OTUD7A: variants seen among roughly 807,000 people sequenced by gnomAD.
OTUD7A encodes OTU domain-containing protein 7A.
In OTUD7A, 12 loss-of-function variants were observed where a neutral mutation model predicts 65.7. The observed-to-expected ratio is 0.18, with a 90% CI of 0.12 to 0.30. The LOEUF is 0.30. Ranked by LOEUF, OTUD7A falls within the 10% of genes least tolerant of loss-of-function variation. OTUD7A has a pLI of 1.00. For missense variants in OTUD7A, 1,148 were observed against 1,304.8 expected, an observed-to-expected ratio of 0.88 and a Z score of 1.85; for synonymous variants, 641 against 586.3, an observed-to-expected ratio of 1.09 and a Z score of -1.35.
intron 1 of OTUD7A, among the ~76,000 whole-genome samples, chr15:31,786,838 C>CA (rs1319980547): frequency 3.9e-5 from 6 of 152,108 alleles, no homozygotes; most frequent in Non-Finnish European, 8.8e-5. Context: ...CAGGACCCCG[C>CA]AGTGATATCA....
At chr15:31,567,825 G>A (rs1035130529) in intron 4 of OTUD7A, among the ~76,000 whole-genome samples, 1 of 152,256 alleles carries the variant, frequency 6.6e-6, no homozygotes, top group Non-Finnish European at 1.5e-5. Flanking sequence ...CCCAGATACA[G>A]TTCAGGCTGC....
In OTUD7A at chr15:31,484,026, GGCA is replaced by G. The variant is rs1391662107; in HGVS notation, c.2067_2069del (p.Ala696del). 48 of 990,262 alleles carry G rather than the reference GGCA, an allele frequency of 4.8e-5. No individual in the cohort carries two copies. Among genetic ancestry groups the G allele is most frequent in the African/African-American group, 9.8e-5 (5 of 50,928 alleles). The allele number at this position is 990,262 out of a possible 1,614,324, so 61.3% of individuals were successfully genotyped here. ...TGGCCGTGGCGGCGGCGGCGGCGGC[GGCA>G]GCGGCGGCCGCAGTAGCGGCGTCGC... On this transcript the variant is annotated inframe_deletion, in exon 13 of 13. Coordinates refer to ENST00000307050, the MANE Select transcript of OTUD7A (RefSeq NM_001382637.1). This position sits in a 1 kb window ranked among gnomAD's most constrained non-coding sequence, Gnocchi z 4.5.
chr15:31,766,607 G>A, intron 1 of OTUD7A: 2 of 1,608,756 alleles, frequency 1.2e-6, no homozygotes, highest in Non-Finnish European at 1.7e-6. Context: ...CTGGTGTATT[G>A]ATAATAACTA....
chr15:31,496,388 AT>A (rs769502298), intron 10 of OTUD7A, among the ~76,000 whole-genome samples: 25 of 151,918 alleles, frequency 1.6e-4, no homozygotes, highest in Non-Finnish European at 2.8e-4. Flanking sequence ...TGCCCAGTTA[AT>A]TTTTTGTATT....
At position 31,561,754 on chromosome 15, in the gene OTUD7A, A is replaced by G. The variant is rs143594270; in HGVS notation, c.332-2567T>C. Among the ~76,000 whole-genome samples, 434 of 151,660 alleles carry G rather than the reference A, an allele frequency of 2.9e-3. 5 individuals carry two copies. Among genetic ancestry groups the G allele is most frequent in the African/African-American group, 0.01 (412 of 41,158 alleles). On this transcript the variant is annotated intron_variant, in intron 4 of 12. Transcript: ENST00000307050. ...TTCCTGTGACACCCCAGGAATGCACACATATCATCTCTCTCACACACACAC... is the reference window on the plus strand; with the variant it reads ...TTCCTGTGACACCCCAGGAATGCACGCATATCATCTCTCTCACACACACAC...
At chr15:31,722,520 C>T (rs1006930205) in intron 1 of OTUD7A, among the ~76,000 whole-genome samples, 9 of 152,224 alleles carry the variant, frequency 5.9e-5, no homozygotes, top group Admixed American at 3.3e-4. Flanking sequence ...TGCACAGCCA[C>T]GTGGCATGGA....
chr15:31,684,257 C>G (rs2654116), intron 1 of OTUD7A, among the ~76,000 whole-genome samples: 35,160 of 150,410 alleles, frequency 0.23, 4,462 homozygotes, highest in African/African-American at 0.32. Context: ...AATAGGAAAG[C>G]GGGAGTAGAG....
At position 31,567,594 on chromosome 15, in the gene OTUD7A, C is replaced by T. The variant is rs372603571; in HGVS notation, c.331+2424G>A. ...CTACTTGCTAGAGATATTTGCATGA[C>T]GAAAAGGAAGCTAAATGAGTGCTAT... On this transcript the variant is annotated intron_variant, in intron 4 of 12. Coordinates refer to ENST00000307050, the MANE Select transcript of OTUD7A (RefSeq NM_001382637.1). 2.6e-4 allele frequency among the ~76,000 whole-genome samples: 39 copies of T among 152,272 alleles called. No individual in the cohort carries two copies. In the Middle Eastern group the frequency reaches 0.01, roughly 40 times the overall value.
Position 31,476,245 on chromosome 15 carries a change from C to G in OTUD7A, c.*7049G>C, listed in dbSNP as rs1050027494. The G allele has an allele frequency of 1.3e-5, 2 of 152,264 alleles. No individual in the cohort carries two copies. The highest frequency in any genetic ancestry group is 4.8e-5 in the African/African-American group (2 of 41,462). 9.4% of individuals were successfully genotyped at this position (152,264 alleles called of 1,614,324 possible). On this transcript the variant is annotated 3_prime_UTR_variant, in exon 13 of 13. Transcript: ENST00000307050. ...GCTCTGTCAGAGGTGGGGCTTGCCT[C>G]TGTGTGTACAGGGGCTGGAGGCCAC... is the stretch of plus-strand genomic sequence containing the variant.
intron 5 of OTUD7A, among the ~76,000 whole-genome samples, chr15:31,547,949 T>C (rs977494856): frequency 2.0e-5 from 3 of 152,222 alleles, no homozygotes; most frequent in Non-Finnish European, 2.9e-5. Context: ...GTCACAAAAA[T>C]GGTCAAAATG....
At chr15:31,702,073 G>GA (rs1291458360) in intron 1 of OTUD7A, among the ~76,000 whole-genome samples, 1 of 117,516 alleles carries the variant, frequency 8.5e-6, no homozygotes, top group Non-Finnish European at 1.7e-5. Flanking sequence ...GTTGATGAAG[G>GA]AAAAAAATTC....
chr15:31,620,465 G>A (rs1890744347), intron 3 of OTUD7A, among the ~76,000 whole-genome samples: 1 of 151,914 alleles, frequency 6.6e-6, no homozygotes, highest in Admixed American at 6.6e-5. Flanking sequence ...GGTCTATTCA[G>A]AGATTCAACT....
intron 1 of OTUD7A, among the ~76,000 whole-genome samples, chr15:31,862,630 A>G (rs1303365584): frequency 6.6e-6 from 1 of 151,524 alleles, no homozygotes; most frequent in Non-Finnish European, 1.5e-5. Flanking sequence ...CGAGAATAGA[A>G]CAGGAAAGAC....
intron 4 of OTUD7A, among the ~76,000 whole-genome samples, chr15:31,559,413 A>G (rs1235111494): frequency 6.6e-6 from 1 of 152,204 alleles, no homozygotes; most frequent in Non-Finnish European, 1.5e-5. Flanking sequence ...GCACATGCGC[A>G]CATACATATA....
Position 31,594,235 on chromosome 15 carries a change from C to T in OTUD7A, c.152-24038G>A, listed in dbSNP as rs185323541. ...CTGCACCCTGGTTCTGAGATCTGCACGGTACTTAAGAAAGAAATCCATTCC... is the reference window on the plus strand; with the variant it reads ...CTGCACCCTGGTTCTGAGATCTGCATGGTACTTAAGAAAGAAATCCATTCC... On this transcript the variant is annotated intron_variant, in intron 3 of 12. Transcript: ENST00000307050. Among the ~76,000 whole-genome samples, 13 of 152,224 alleles carry T rather than the reference C, an allele frequency of 8.5e-5. No homozygotes were observed. The East Asian group carries it at 2.1e-3, about 25-fold the overall frequency.
At chr15:31,660,226 C>T (rs533169575) in intron 1 of OTUD7A, among the ~76,000 whole-genome samples, 1 of 152,328 alleles carries the variant, frequency 6.6e-6, no homozygotes, top group Non-Finnish European at 1.5e-5. Flanking sequence ...AGGAAGCCCA[C>T]CCTGGTAAGA....
intron 1 of OTUD7A, among the ~76,000 whole-genome samples, chr15:31,841,323 T>C (rs965817848): frequency 1.3e-5 from 2 of 152,138 alleles, no homozygotes; most frequent in African/African-American, 4.8e-5. Context: ...GGTCAAACCA[T>C]GAACTGCCTC....
intron 3 of OTUD7A, among the ~76,000 whole-genome samples, chr15:31,592,471 C>G (rs945703534): frequency 2.6e-5 from 4 of 152,080 alleles, no homozygotes; most frequent in Admixed American, 1.3e-4. Context: ...TCCTGTCCCA[C>G]TGGTAGGTCT....
chr15:31,719,375 C>T (rs1463981337), intron 1 of OTUD7A, among the ~76,000 whole-genome samples: 8 of 151,910 alleles, frequency 5.3e-5, no homozygotes, highest in Admixed American at 4.6e-4. Context: ...GCTGGTATTT[C>T]CTTGCAAATC....
Sources: gnomAD v4.1 joint callset for allele counts (sites outside exome capture counted in the v4.1 genomes callset) on GRCh38, gnomAD v4.1.1 for gene constraint, Gnocchi (gnomAD v3.1) non-coding constraint, MANE v1.5 for transcripts, NCBI Gene and HGNC (gene_info 2026-07-23, HGNC 2026-07-21) for gene names.